Variants in FBXO11 observed in about 807,000 individuals in gnomAD.
The protein encoded by FBXO11 is F-box protein 11.
In FBXO11, 13 loss-of-function variants were observed where a neutral mutation model predicts 117.0. That is an observed-to-expected ratio of 0.11 (90% CI 0.07 to 0.18). The LOEUF (loss-of-function observed/expected upper bound fraction) is 0.18. Among genes scored for constraint, FBXO11 ranks in the 10% least tolerant of loss-of-function variants. The probability of loss-of-function intolerance (pLI) is 1.00; values close to 1 mark genes in which losing one functional copy is unlikely to be tolerated. For missense variants in FBXO11, 767 were observed against 1,164.4 expected, an observed-to-expected ratio of 0.66 and a Z score of 4.97; for synonymous variants, 490 against 380.5, an observed-to-expected ratio of 1.29 and a Z score of -3.35.
At chr2:47,814,125 T>C (rs938524590) in intron 16 of FBXO11, 1 of 356,310 alleles carries the variant, frequency 2.8e-6, no homozygotes, top group African/African-American at 2.1e-5. Flanking sequence ...AAGTGACATA[T>C]ATTCCCCTCA....
At chr2:47,824,113 C>T (rs914194513) in intron 11 of FBXO11, among the ~76,000 whole-genome samples, 6 of 152,132 alleles carry the variant, frequency 3.9e-5, no homozygotes, top group East Asian at 1.9e-4. Flanking sequence ...TAAATGTAGA[C>T]GAATACCATT....
At chr2:47,821,212 C>G (rs1410102761) in intron 13 of FBXO11, among the ~76,000 whole-genome samples, 3 of 152,218 alleles carry the variant, frequency 2.0e-5, no homozygotes, top group Admixed American at 6.5e-5. Flanking sequence ...TGGCTCATAC[C>G]TGTAATCCCA....
intron 11 of FBXO11, among the ~76,000 whole-genome samples, chr2:47,829,071 G>A (rs985385310): frequency 2.0e-5 from 3 of 151,600 alleles, no homozygotes; most frequent in Admixed American, 6.6e-5. Context: ...ACAGGCACAC[G>A]CCACCACGAG....
rs929048749 is a variant in FBXO11 at position 47,906,476 on chromosome 2, A to G, written c.-756T>C. Among the ~76,000 whole-genome samples, 57 of 149,500 alleles carry G rather than the reference A, an allele frequency of 3.8e-4. No individual in the cohort carries two copies. The highest frequency in any genetic ancestry group is 1.4e-3 in the African/African-American group (55 of 40,608). ...CTCCGTGGCAGGAGGAGCCATTGACACCGCCGGAGCCTCCACTCGCCCAGT... is the reference window on the plus strand; with the variant it reads ...CTCCGTGGCAGGAGGAGCCATTGACGCCGCCGGAGCCTCCACTCGCCCAGT... On this transcript the variant is annotated 5_prime_UTR_variant, in exon 1 of 23. Transcript: ENST00000403359.
intron 4 of FBXO11, chr2:47,836,885 G>A (rs2104839838): frequency 8.5e-6 from 3 of 354,748 alleles, no homozygotes; most frequent in East Asian, 1.1e-4. Flanking sequence ...CCAGGTTCAA[G>A]TGATCCTCTT....
chr2:47,817,322 C>T (rs1425737493), intron 16 of FBXO11, among the ~76,000 whole-genome samples: 2 of 152,170 alleles, frequency 1.3e-5, no homozygotes, highest in Admixed American at 6.5e-5. Flanking sequence ...GGGAATGTTG[C>T]GGCTGGTTTG....
chr2:47,891,791 G>C (rs1558478545), intron 1 of FBXO11, among the ~76,000 whole-genome samples: 1 of 151,748 alleles, frequency 6.6e-6, no homozygotes, highest in East Asian at 1.9e-4. Context: ...TGTCTTCTAT[G>C]TTTTTTTTAA....
Position 47,807,659 on chromosome 2 carries a change from A to G in FBXO11, c.*459T>C, listed in dbSNP as rs994941262. 3 of 181,916 alleles carry G rather than the reference A, an allele frequency of 1.6e-5. No homozygotes were observed. Among genetic ancestry groups the G allele is most frequent in the Non-Finnish European group, 3.1e-5 (3 of 95,426 alleles). The allele number at this position is 181,916 out of a possible 1,614,324, so 11.3% of individuals were successfully genotyped here. A position where few individuals can be genotyped will look rare whatever the true frequency, so the allele number is the denominator to read the frequency against. ...ATTAAAATCATATTTCTCAATCTGAATACATGTTAAAAAAAAAAAATCAAA... is the reference window on the plus strand; with the variant it reads ...ATTAAAATCATATTTCTCAATCTGAGTACATGTTAAAAAAAAAAAATCAAA... On this transcript the variant is annotated 3_prime_UTR_variant, in exon 23 of 23. Transcript: ENST00000403359.
intron 11 of FBXO11, among the ~76,000 whole-genome samples, chr2:47,829,594 G>A (rs1672029860): frequency 6.6e-6 from 1 of 152,096 alleles, no homozygotes; most frequent in Non-Finnish European, 1.5e-5. Flanking sequence ...ACTGAACTGA[G>A]TATTAAACAA....
intron 4 of FBXO11, chr2:47,837,020 G>A (rs1672633836): frequency 3.8e-6 from 1 of 263,080 alleles, no homozygotes; most frequent in Admixed American, 5.3e-5. Context: ...TTATAGGCGT[G>A]AGCCACTTCG....
chr2:47,879,934 T>G (rs535538596), intron 1 of FBXO11, among the ~76,000 whole-genome samples: 2 of 152,172 alleles, frequency 1.3e-5, no homozygotes, highest in Non-Finnish European at 2.9e-5. Flanking sequence ...CAACAAAATT[T>G]CCTTTCTAAA....
chr2:47,882,560 T>C (rs1247023607), intron 1 of FBXO11, among the ~76,000 whole-genome samples: 4 of 152,322 alleles, frequency 2.6e-5, no homozygotes, highest in South Asian at 4.1e-4. Context: ...AAAAATAAAA[T>C]CTTTATTTCC....
chr2:47,873,167 C>T (rs375032319), intron 1 of FBXO11, among the ~76,000 whole-genome samples: 3 of 152,306 alleles, frequency 2.0e-5, no homozygotes, highest in East Asian at 1.9e-4. Flanking sequence ...TAAATCTAGA[C>T]GCTAGCACTC....
At chr2:47,866,646 A>G (rs1572872165) in intron 1 of FBXO11, among the ~76,000 whole-genome samples, 2 of 151,932 alleles carry the variant, frequency 1.3e-5, no homozygotes, top group South Asian at 2.1e-4. Flanking sequence ...GCTAATGTTT[A>G]TATTTTTAGT....
At chr2:47,844,446 C>T (rs1673251539) in intron 1 of FBXO11, among the ~76,000 whole-genome samples, 1 of 152,140 alleles carries the variant, frequency 6.6e-6, no homozygotes, top group Non-Finnish European at 1.5e-5. Flanking sequence ...TATCCTATCC[C>T]CATATGTGCA....
At chr2:47,842,294 G>A (rs201633909) in intron 1 of FBXO11, among the ~76,000 whole-genome samples, 97 of 152,288 alleles carry the variant, frequency 6.4e-4, no homozygotes, top group East Asian at 1.2e-3. Context: ...GATTACAGGC[G>A]TGAGCCACCG....
At chr2:47,870,760 T>C (rs1675564323) in intron 1 of FBXO11, among the ~76,000 whole-genome samples, 1 of 152,216 alleles carries the variant, frequency 6.6e-6, no homozygotes, top group African/African-American at 2.4e-5. Flanking sequence ...AAAGCTAGTA[T>C]GAGCACTCAC....
Position 47,832,899 on chromosome 2 carries a change from G to C in FBXO11, c.1042-19C>G, listed in dbSNP as rs1181489786. 1 of 1,610,322 alleles carries C rather than the reference G, an allele frequency of 6.2e-7. No individual in the cohort carries two copies. Among genetic ancestry groups the C allele is most frequent in the Non-Finnish European group, 8.5e-7 (1 of 1,176,758 alleles). ...GGTTAAACTGAAAAGTAAAAATTTT[G>C]TTTGAAATAAACAATTACTGCCTTT... On this transcript the variant is annotated intron_variant, in intron 8 of 22. Transcript: ENST00000403359.
chr2:47,862,132 G>C (rs1438867207), intron 1 of FBXO11, among the ~76,000 whole-genome samples: 1 of 152,000 alleles, frequency 6.6e-6, no homozygotes, highest in African/African-American at 2.4e-5. Flanking sequence ...TGTTGGCCAG[G>C]CTGGTCTCAA....
Sources: allele counts gnomAD v4.1 joint callset (sites outside exome capture counted in the v4.1 genomes callset), GRCh38; gene constraint gnomAD v4.1.1; transcripts MANE v1.5; gene names NCBI Gene and HGNC (gene_info 2026-07-23, HGNC 2026-07-21).